The following SERPINB10 variants were observed in gnomAD, a reference collection of about 807,000 sequenced individuals.
SERPINB10 encodes the protein serpin family B member 10.
SERPINB10 carries 35 observed loss-of-function variants against 39.1 expected under a neutral mutation model. That is an observed-to-expected ratio of 0.90 (90% confidence interval 0.68 to 1.19). The LOEUF (loss-of-function observed/expected upper bound fraction) is 1.19, where lower values mean the gene tolerates loss of function less well. Among genes scored for constraint, SERPINB10 ranks in the 50% most tolerant of loss-of-function variants. SERPINB10 has a pLI of 0.00. For synonymous variants in SERPINB10, 190 were observed against 158.1 expected, an observed-to-expected ratio of 1.20 and a Z score of -1.52; for missense variants, 546 against 460.5, an observed-to-expected ratio of 1.19 and a Z score of -1.70.
chr18:63,915,233 T>C (rs1409722864), intron 1 of SERPINB10, among the ~76,000 whole-genome samples: 1 of 152,038 alleles, frequency 6.6e-6, no homozygotes, highest in Non-Finnish European at 1.5e-5. Flanking sequence ...GCAAAAACTA[T>C]GTTATGGGAC....
chr18:63,919,526 G>C (rs921317781), intron 4 of SERPINB10, among the ~76,000 whole-genome samples: 1 of 151,912 alleles, frequency 6.6e-6, no homozygotes, highest in African/African-American at 2.4e-5. Context: ...GAAAGGAAGA[G>C]GATGTGGAAG....
intron 7 of SERPINB10, among the ~76,000 whole-genome samples, chr18:63,934,452 C>G (rs1265109958): frequency 6.6e-6 from 1 of 152,010 alleles, no homozygotes; most frequent in East Asian, 1.9e-4. Flanking sequence ...AAAGAGCTGT[C>G]TCCCATGTCG....
At chr18:63,933,700 G>A (rs995341849) in intron 7 of SERPINB10, among the ~76,000 whole-genome samples, 1 of 152,132 alleles carries the variant, frequency 6.6e-6, no homozygotes, top group Non-Finnish European at 1.5e-5. Context: ...GCAACCTTCA[G>A]GAGAAAAAGT....
intron 1 of SERPINB10, among the ~76,000 whole-genome samples, chr18:63,911,687 G>A (rs1023024461): frequency 1.6e-4 from 24 of 152,050 alleles, no homozygotes; most frequent in African/African-American, 5.6e-4. Flanking sequence ...CAGGCTTATA[G>A]TGTAGTTTGA....
At chr18:63,927,310 G>A (rs1033122903) in intron 5 of SERPINB10, among the ~76,000 whole-genome samples, 1 of 151,950 alleles carries the variant, frequency 6.6e-6, no homozygotes, top group African/African-American at 2.4e-5. Flanking sequence ...AAGTATTTTT[G>A]CAGATGATGT....
At chr18:63,929,655 G>A (rs915534453) in intron 5 of SERPINB10, among the ~76,000 whole-genome samples, 2 of 139,332 alleles carry the variant, frequency 1.4e-5, no homozygotes, top group Admixed American at 7.8e-5. Flanking sequence ...TAGGTGCAAA[G>A]AGTTGTTAGT....
intron 5 of SERPINB10, among the ~76,000 whole-genome samples, chr18:63,922,054 C>T (rs1447007723): frequency 6.6e-6 from 1 of 151,922 alleles, no homozygotes; most frequent in African/African-American, 2.4e-5. Flanking sequence ...TCAAAACTAA[C>T]TGCTTATACA....
intron 5 of SERPINB10, among the ~76,000 whole-genome samples, chr18:63,922,881 TA>T (rs1207263724): frequency 1.3e-5 from 2 of 151,980 alleles, no homozygotes; most frequent in African/African-American, 4.8e-5. Context: ...TCATTTCAAT[TA>T]ATTTAAATTT....
rs749360944 is a variant in SERPINB10 at position 63,919,785 on chromosome 18, C to T, written c.373-3C>T. Reference sequence around the variant, plus strand: ...AAAGGGGATTTTTATCTATGTCTTTCAGAAATATTTAGAAGACATGAAAAC... The same window carrying T: ...AAAGGGGATTTTTATCTATGTCTTTTAGAAATATTTAGAAGACATGAAAAC... On this transcript the variant is annotated splice_polypyrimidine_tract_variant and splice_region_variant and intron_variant, in intron 4 of 7. Transcript: ENST00000238508. The T allele has an allele frequency of 6.4e-7, 1 of 1,559,270 alleles. No individual in the cohort carries two copies. The highest frequency in any genetic ancestry group is 1.1e-5 in the South Asian group (1 of 87,414).
intron 5 of SERPINB10, among the ~76,000 whole-genome samples, chr18:63,927,336 C>T (rs2050188337): frequency 6.6e-6 from 1 of 151,752 alleles, no homozygotes; most frequent in South Asian, 2.1e-4. Context: ...TTTTTTTCTC[C>T]TATCAGTCAT....
At chr18:63,930,436 T>C (rs1163340508) in intron 6 of SERPINB10, among the ~76,000 whole-genome samples, 1 of 152,120 alleles carries the variant, frequency 6.6e-6, no homozygotes, top group Non-Finnish European at 1.5e-5. Flanking sequence ...AGTTTTCATA[T>C]TTATTTCCTA....
intron 5 of SERPINB10, among the ~76,000 whole-genome samples, chr18:63,924,936 TA>T (rs952905341): frequency 1.8e-4 from 28 of 151,888 alleles, no homozygotes; most frequent in Non-Finnish European, 3.5e-4. Context: ...ATTCAAAGGT[TA>T]AAAAAAGTAA....
intron 1 of SERPINB10, among the ~76,000 whole-genome samples, chr18:63,911,892 T>G (rs1271277286): frequency 6.6e-6 from 1 of 152,032 alleles, no homozygotes; most frequent in Non-Finnish European, 1.5e-5. Context: ...ACAATACTGA[T>G]GTTTCCTGTC....
chr18:63,933,830 G>A (rs553036553), intron 7 of SERPINB10, among the ~76,000 whole-genome samples: 1 of 152,290 alleles, frequency 6.6e-6, no homozygotes, highest in East Asian at 1.9e-4. Flanking sequence ...AACTGAACAT[G>A]AGTCTCATGC....
chr18:63,915,024 C>T (rs761108972), intron 1 of SERPINB10, among the ~76,000 whole-genome samples: 2 of 151,988 alleles, frequency 1.3e-5, no homozygotes, highest in African/African-American at 2.4e-5. Flanking sequence ...TAGTTACAGC[C>T]CAAACCGTGA....
rs765818211 is a variant in SERPINB10 at position 63,934,995 on chromosome 18, G to A, written c.947G>A (p.Ser316Asn). ...LSSMGMSDAF[S>N]QSKADFSGMS... is the part of the protein sequence containing the mutation. ...AGTATGGGGATGAGTGATGCCTTCA[G>A]CCAAAGCAAAGCTGATTTCTCAGGA... Residue 316 changes from serine (S) to asparagine (N), a missense_variant, in exon 8 of 8, where the codon AGC becomes AAC. By Grantham distance (46) the Ser-to-Asn change is conservative (BLOSUM62 1). Transcript: ENST00000238508. The A allele has an allele frequency of 5.6e-6, 9 of 1,614,222 alleles. No homozygotes were observed. The East Asian group carries it at 1.1e-4, about 20-fold the overall frequency.
chr18:63,916,985 C>T (rs984750241), intron 2 of SERPINB10, among the ~76,000 whole-genome samples: 9 of 151,900 alleles, frequency 5.9e-5, no homozygotes, highest in African/African-American at 2.2e-4. Context: ...GGGGTAAACA[C>T]AAACATTGCG....
intron 4 of SERPINB10, 115 bp from the exon 5 acceptor site, chr18:63,919,673 T>C: frequency 1.6e-6 from 1 of 620,580 alleles, no homozygotes; most frequent in Non-Finnish European, 2.8e-6. Flanking sequence ...GATGGAGTGA[T>C]GGTGTGGGAG....
chr18:63,934,885 A>T lies in SERPINB10; in HGVS notation c.837A>T (p.Ala279=), dbSNP rs143758664. 1.9e-6 allele frequency: 3 copies of T among 1,614,136 alleles called. No homozygotes were observed. Among genetic ancestry groups the T allele is most frequent in the Non-Finnish European group, 8.5e-7 (1 of 1,179,984 alleles). The change falls in exon 8 of 8, where the codon GCA becomes GCT. Residue 279 remains alanine, a synonymous_variant. Transcript: ENST00000238508. ...AGAAGCTGAATGAGTGGACCAGTGCAGACATGATGGAGTTGTATGAAGTGC... is the reference window on the plus strand; with the variant it reads ...AGAAGCTGAATGAGTGGACCAGTGCTGACATGATGGAGTTGTATGAAGTGC... ...TYEKLNEWTS[A]DMMELYEVQL... is the part of the protein sequence containing the mutation.
Sources: gnomAD v4.1 joint callset for allele counts (sites outside exome capture counted in the v4.1 genomes callset) on GRCh38, gnomAD v4.1.1 for gene constraint, MANE v1.5 for transcripts, NCBI Gene and HGNC (gene_info 2026-07-23, HGNC 2026-07-21) for gene names.